Variants in FBN1 observed in about 807,000 individuals in gnomAD.
FBN1 encodes the protein fibrillin-1.
FBN1 carries 29 observed loss-of-function variants against 365.1 expected under a neutral mutation model. That is an observed-to-expected ratio of 0.08 (90% confidence interval 0.06 to 0.11). The LOEUF is 0.11. Among genes scored for constraint, FBN1 ranks in the 10% least tolerant of loss-of-function variants. FBN1 has a pLI of 1.00. For synonymous variants in FBN1, 1,210 were observed against 1,270.5 expected (o/e 0.95, Z 1.01); for missense variants, 2,476 against 3,703.2 (o/e 0.67, Z 8.60).
chr15:48,411,980 C>A (rs1195064850), intron 65 of FBN1, among the ~76,000 whole-genome samples: 1 of 152,236 alleles, frequency 6.6e-6, no homozygotes, highest in African/African-American at 2.4e-5. Context: ...ATATTCAATG[C>A]TTTTCACCTG....
chr15:48,430,638 C>T, intron 56 of FBN1, 33 bp downstream of exon 56: 1 of 1,612,660 alleles, frequency 6.2e-7, no homozygotes. Flanking sequence ...ACTTCTGATG[C>T]ACTCAAAGCT....
intron 6 of FBN1, among the ~76,000 whole-genome samples, chr15:48,567,360 A>G (rs2044265154): frequency 6.6e-6 from 1 of 152,196 alleles, no homozygotes; most frequent in South Asian, 2.1e-4. Context: ...TGATTTTTAA[A>G]TGAAATTTCA....
At chr15:48,502,737 A>G (rs2141314278) in intron 17 of FBN1, among the ~76,000 whole-genome samples, 1 of 152,336 alleles carries the variant, frequency 6.6e-6, no homozygotes, top group South Asian at 2.1e-4. Context: ...TTGTAGATGA[A>G]GTGTCTAAGG....
chr15:48,493,487 T>C (rs942612360), intron 23 of FBN1, among the ~76,000 whole-genome samples: 4 of 152,204 alleles, frequency 2.6e-5, no homozygotes, highest in Admixed American at 2.6e-4. Flanking sequence ...TTTGTTTTGT[T>C]TTGGCCACTT....
intron 6 of FBN1, among the ~76,000 whole-genome samples, chr15:48,557,954 T>C (rs889808251): frequency 6.6e-6 from 1 of 152,198 alleles, no homozygotes; most frequent in Non-Finnish European, 1.5e-5. Context: ...AGGCTTCTCC[T>C]ATGTGGCTAA....
intron 65 of FBN1, 47 bp downstream of exon 65, chr15:48,412,522 G>A: frequency 6.3e-7 from 1 of 1,598,888 alleles, no homozygotes; most frequent in South Asian, 1.1e-5. Context: ...AATCTGGAAG[G>A]GCTTTCCACC....
chr15:48,570,917 A>C (rs1190874722), intron 6 of FBN1, among the ~76,000 whole-genome samples: 3 of 152,164 alleles, frequency 2.0e-5, no homozygotes. Flanking sequence ...TGGATGAAGG[A>C]GCTTGTGTTA....
At chr15:48,508,755 A>G (rs1324492710) in intron 14 of FBN1, 51 bp from the exon 15 acceptor site, 6 of 1,602,868 alleles carry the variant, frequency 3.7e-6, no homozygotes, top group Non-Finnish European at 4.3e-6. Context: ...TAAGCTTACG[A>G]AGGAAACCAA....
Position 48,409,769 on chromosome 15 carries a change from G to GACTGA in FBN1, c.*1216_*1220dup, listed in dbSNP as rs2042845795. ...TGAAATTCATGTGCTCTAAGACAAT[G>GACTGA]ACTGAACTTGGTATTTAAGACTATT... On this transcript the variant is annotated 3_prime_UTR_variant, in exon 66 of 66. Coordinates refer to ENST00000316623, the MANE Select transcript of FBN1 (RefSeq NM_000138.5). The GACTGA allele has an allele frequency of 6.6e-6, 1 of 152,004 alleles. No homozygotes were observed. The highest frequency in any genetic ancestry group is 1.5e-5 in the Non-Finnish European group (1 of 68,038). 9.4% of individuals were successfully genotyped at this position (152,004 alleles called of 1,614,324 possible).
At chr15:48,645,278 C>T (rs1272991656) in intron 1 of FBN1, among the ~76,000 whole-genome samples, 1 of 152,154 alleles carries the variant, frequency 6.6e-6, no homozygotes, top group African/African-American at 2.4e-5. Flanking sequence ...GCGCTCTGAA[C>T]GCCCCACTCC....
In FBN1 at chr15:48,516,377, C is replaced by A. The variant is rs2043802610; in HGVS notation, c.1148-15G>T. ...GTTGAAATCCTCTAGAAAAACACAA[C>A]AAAACAAAACACAACAGCTGAGCTG... On this transcript the variant is annotated splice_polypyrimidine_tract_variant and intron_variant, in intron 10 of 65. Transcript: ENST00000316623. 6.2e-7 allele frequency: 1 copy of A among 1,612,688 alleles called. No homozygotes were observed. Among genetic ancestry groups the A allele is most frequent in the Non-Finnish European group, 8.5e-7 (1 of 1,179,348 alleles).
intron 45 of FBN1, among the ~76,000 whole-genome samples, chr15:48,449,433 C>T (rs537401067): frequency 9.9e-5 from 15 of 152,260 alleles, no homozygotes; most frequent in African/African-American, 2.9e-4. Flanking sequence ...CAAGTATTCA[C>T]GTCTACACAG....
intron 8 of FBN1, among the ~76,000 whole-genome samples, chr15:48,527,841 C>T (rs1205846987): frequency 1.3e-5 from 2 of 152,244 alleles, no homozygotes; most frequent in Non-Finnish European, 2.9e-5. Context: ...GGTAAAGGTG[C>T]ATATTCTATT....
chr15:48,635,728 T>C (rs1890079804), intron 2 of FBN1, among the ~76,000 whole-genome samples: 1 of 152,236 alleles, frequency 6.6e-6, no homozygotes, highest in African/African-American at 2.4e-5. Flanking sequence ...GTTAGATGTT[T>C]TGAAATTCTC....
intron 2 of FBN1, among the ~76,000 whole-genome samples, chr15:48,614,114 A>AC (rs1339248718): frequency 6.6e-6 from 1 of 152,230 alleles, no homozygotes; most frequent in African/African-American, 2.4e-5. Context: ...AATGACTTCT[A>AC]CACTGGAAAC....
chr15:48,430,941 C>G (rs956320927), intron 55 of FBN1, 139 bp from the exon 56 acceptor site: 13 of 813,386 alleles, frequency 1.6e-5, no homozygotes, highest in Non-Finnish European at 2.2e-5. Context: ...TCCTTCTGCT[C>G]TGTTGAGTAT....
chr15:48,549,435 G>T (rs1363539760), intron 6 of FBN1, among the ~76,000 whole-genome samples: 2 of 152,196 alleles, frequency 1.3e-5, no homozygotes, highest in African/African-American at 4.8e-5. Flanking sequence ...ATAGAGACCA[G>T]CTGGCTCCAG....
At chr15:48,466,177 A>G (rs2043320350) in intron 38 of FBN1, among the ~76,000 whole-genome samples, 1 of 151,556 alleles carries the variant, frequency 6.6e-6, no homozygotes, top group Non-Finnish European at 1.5e-5. Context: ...TTCCCTTTTT[A>G]TTTTCTGAAA....
intron 5 of FBN1, 44 bp downstream of exon 5, chr15:48,600,095 A>T (rs947683313): frequency 7.2e-7 from 1 of 1,379,688 alleles, no homozygotes; most frequent in Non-Finnish European, 1.0e-6. Flanking sequence ...ACTTGTCTAC[A>T]AACAGGTTAA....
Sources: gnomAD v4.1 joint callset for allele counts (sites outside exome capture counted in the v4.1 genomes callset) on GRCh38, gnomAD v4.1.1 for gene constraint, MANE v1.5 for transcripts, NCBI Gene and HGNC (gene_info 2026-07-23, HGNC 2026-07-21) for gene names.